OR51G2: variants seen among roughly 807,000 people sequenced by gnomAD.
OR51G2 encodes the protein olfactory receptor 51G2.
A neutral mutation model predicts 11.8 loss-of-function variants in OR51G2; 13 were observed. The observed-to-expected ratio is 1.10, with a 90% CI of 0.72 to 1.76. The LOEUF (loss-of-function observed/expected upper bound fraction) is 1.76, where lower values mean the gene tolerates loss of function less well. Ranked by LOEUF, OR51G2 falls within the 40% of genes most tolerant of loss-of-function variation. The probability of loss-of-function intolerance (pLI) is 0.00; values close to 1 mark genes in which losing one functional copy is unlikely to be tolerated. For synonymous variants in OR51G2, 178 were observed against 151.9 expected (o/e 1.17, Z -1.26); for missense variants, 474 against 394.4 (o/e 1.20, Z -1.71).
chr11:4,915,385 T>C lies in OR51G2; in HGVS notation c.279A>G (p.Gly93=). ...AGGCATCATGGCTAATTTCTCGTGCTCCAACCCAAAAGATGCCCAGGACTG... is the reference window on the plus strand; with the variant it reads ...AGGCATCATGGCTAATTTCTCGTGCCCCAACCCAAAAGATGCCCAGGACTG... ...LPTVLGIFWV[G]AREISHDACF... is the part of the protein sequence containing the mutation. Residue 93 remains glycine (G), a synonymous_variant, in exon 2 of 2, where the codon GGA becomes GGG. Transcript: ENST00000641926. The C allele has an allele frequency of 6.2e-7, 1 of 1,613,944 alleles. No homozygotes were observed. Among genetic ancestry groups the C allele is most frequent in the East Asian group, 2.2e-5 (1 of 44,814 alleles).
chr11:4,913,587 T>C lies in OR51G2; in HGVS notation c.*1132A>G, dbSNP rs1254862329. ...TTGGGGGTACAATAACAATACAACATATAAAAGGGCATAACAAACTATCCT... is the reference window on the plus strand; with the variant it reads ...TTGGGGGTACAATAACAATACAACACATAAAAGGGCATAACAAACTATCCT... On this transcript the variant is annotated 3_prime_UTR_variant, in exon 2 of 2. Coordinates refer to ENST00000641926, the MANE Select transcript of OR51G2 (RefSeq NM_001005238.2). 1 of 152,176 alleles carries C rather than the reference T, an allele frequency of 6.6e-6. No individual in the cohort carries two copies. Among genetic ancestry groups the C allele is most frequent in the Non-Finnish European group, 1.5e-5 (1 of 68,034 alleles). 9.4% of individuals were successfully genotyped at this position (152,176 alleles called of 1,614,324 possible). A position where few individuals can be genotyped will look rare whatever the true frequency, so the allele number is the denominator to read the frequency against.
intron 1 of OR51G2, among the ~76,000 whole-genome samples, chr11:4,917,371 G>A (rs190667774): frequency 6.6e-6 from 1 of 152,198 alleles, no homozygotes; most frequent in East Asian, 1.9e-4. Context: ...TAGACTTCAG[G>A]ATATAAACAA....
Position 4,915,575 on chromosome 11 carries a change from A to T in OR51G2, c.89T>A (p.Ile30Asn). 1 of 1,614,058 alleles carries T rather than the reference A, an allele frequency of 6.2e-7. No individual in the cohort carries two copies. Among genetic ancestry groups the T allele is most frequent in the Non-Finnish European group, 8.5e-7 (1 of 1,179,968 alleles). ...GAAGCACAGTGGGATGGAGATCCAGATGTGCATGCGCTCCAGCCCAGGGAT... is the reference window on the plus strand; with the variant it reads ...GAAGCACAGTGGGATGGAGATCCAGTTGTGCATGCGCTCCAGCCCAGGGAT... ...SGIPGLERMH[I>N]WISIPLCFMY... is the part of the protein sequence containing the mutation. Residue 30 changes from isoleucine (I) to asparagine (N), a missense_variant, in exon 2 of 2, where the codon ATC becomes AAC. Ile to Asn is a moderately radical substitution (Grantham distance 149). Coordinates refer to ENST00000641926, the MANE Select transcript of OR51G2 (RefSeq NM_001005238.2).
intron 1 of OR51G2, among the ~76,000 whole-genome samples, chr11:4,917,883 GTAGA>G (rs915848628): frequency 1.6e-4 from 25 of 151,862 alleles, no homozygotes; most frequent in African/African-American, 6.0e-4. Flanking sequence ...CTGACAAATA[GTAGA>G]TACTCTTCAG....
chr11:4,915,635 C>A lies in OR51G2; in HGVS notation c.29G>T (p.Ser10Ile), dbSNP rs766389992. Residue 10 changes from serine (S) to isoleucine (I), a missense_variant, in exon 2 of 2, where the codon AGC becomes ATC. Coordinates refer to ENST00000641926, the MANE Select transcript of OR51G2 (RefSeq NM_001005238.2). Reference protein sequence around the residue: MTLGSLGNSSSSVSATFLLS... With the variant: MTLGSLGNSISSVSATFLLS... ...CAGGAAGGTAGCAGAAACGCTGCTGCTGCTGTTTCCCAGGGATCCCAGGGT... is the reference window on the plus strand; with the variant it reads ...CAGGAAGGTAGCAGAAACGCTGCTGATGCTGTTTCCCAGGGATCCCAGGGT... 2.5e-6 allele frequency: 4 copies of A among 1,613,242 alleles called. No individual in the cohort carries two copies. The highest frequency in any genetic ancestry group is 3.4e-6 in the Non-Finnish European group (4 of 1,179,522).
intron 1 of OR51G2, among the ~76,000 whole-genome samples, chr11:4,918,258 G>A (rs1418235277): frequency 6.6e-6 from 1 of 152,040 alleles, no homozygotes; most frequent in African/African-American, 2.4e-5. Flanking sequence ...GAAAAATTTT[G>A]GTTAACGAAT....
In OR51G2 at chr11:4,914,761, G is replaced by T; in HGVS notation, c.903C>A (p.Thr301=). ...VMNPIVYSVK[T]KQIRDRVTHA... ...GCGTCACTCGATCCCGGATCTGTTTGGTCTTCACACTGTAGACAATGGGAT... is the reference window on the plus strand; with the variant it reads ...GCGTCACTCGATCCCGGATCTGTTTTGTCTTCACACTGTAGACAATGGGAT... Residue 301 remains threonine (T), a synonymous_variant, in exon 2 of 2, where the codon ACC becomes ACA. Coordinates refer to ENST00000641926, the MANE Select transcript of OR51G2 (RefSeq NM_001005238.2). The T allele has an allele frequency of 6.2e-7, 1 of 1,613,780 alleles. No individual in the cohort carries two copies. Among genetic ancestry groups the T allele is most frequent in the Non-Finnish European group, 8.5e-7 (1 of 1,179,820 alleles).
Position 4,912,903 on chromosome 11 carries a change from T to A in OR51G2, c.*1816A>T, listed in dbSNP as rs942101618. ...TTACACAAAAACCTCAGGACTATCA[T>A]GTTGTCTAGCCTGGAATGTTAAACA... On this transcript the variant is annotated 3_prime_UTR_variant, in exon 2 of 2. Coordinates refer to ENST00000641926, the MANE Select transcript of OR51G2 (RefSeq NM_001005238.2). 2 of 152,058 alleles carry A rather than the reference T, an allele frequency of 1.3e-5. 1 individual carries two copies. The highest frequency in any genetic ancestry group is 2.9e-5 in the Non-Finnish European group (2 of 68,016). 9.4% of individuals were successfully genotyped at this position (152,058 alleles called of 1,614,324 possible).
intron 1 of OR51G2, among the ~76,000 whole-genome samples, chr11:4,918,871 C>T (rs997537273): frequency 6.6e-6 from 1 of 152,206 alleles, no homozygotes; most frequent in Non-Finnish European, 1.5e-5. Flanking sequence ...CAGACTACTT[C>T]CTATCCATCT....
At position 4,915,676 on chromosome 11, in the gene OR51G2, C is replaced by T. The variant is rs1444678044; in HGVS notation, c.-13G>A. ...ATCCCAGGGTCATTGTGTGAGGAGA[C>T]AAGGGGGAAGGTGGGTGCCCTCCAA... On this transcript the variant is annotated 5_prime_UTR_variant, in exon 2 of 2. Coordinates refer to ENST00000641926, the MANE Select transcript of OR51G2 (RefSeq NM_001005238.2). 1.3e-6 allele frequency: 2 copies of T among 1,595,892 alleles called. No homozygotes were observed. Among genetic ancestry groups the T allele is most frequent in the African/African-American group, 1.3e-5 (1 of 74,364 alleles).
chr11:4,914,844 G>T lies in OR51G2; in HGVS notation c.820C>A (p.Pro274Thr). The T allele has an allele frequency of 1.2e-6, 2 of 1,614,004 alleles. No individual in the cohort carries two copies. The highest frequency in any genetic ancestry group is 1.7e-6 in the Non-Finnish European group (2 of 1,179,924). ...CCCATGACCACCTGGACCAGGTGGG[G>T]TGCCTGCTTTCCAAAGCGATGGATG... is the stretch of plus-strand genomic sequence containing the variant. The part of the protein sequence containing the change: ...SVIHRFGKQA[P>T]HLVQVVMGFM... The change falls in exon 2 of 2, where the codon CCC becomes ACC. Residue 274 changes from proline to threonine, a missense_variant. Coordinates refer to ENST00000641926, the MANE Select transcript of OR51G2 (RefSeq NM_001005238.2).
At position 4,913,364 on chromosome 11, in the gene OR51G2, G is replaced by A. The variant is rs920643930; in HGVS notation, c.*1355C>T. ...CATACACTTCATAGTAGAAGACATT[G>A]TGTTCAGCCACACCCTTTCTTAATC... is the stretch of plus-strand genomic sequence containing the variant. On this transcript the variant is annotated 3_prime_UTR_variant, in exon 2 of 2. Coordinates refer to ENST00000641926, the MANE Select transcript of OR51G2 (RefSeq NM_001005238.2). The A allele has an allele frequency of 6.6e-6, 1 of 152,118 alleles. No homozygotes were observed. The highest frequency in any genetic ancestry group is 2.4e-5 in the African/African-American group (1 of 41,422). 9.4% of individuals were successfully genotyped at this position (152,118 alleles called of 1,614,324 possible). A position where few individuals can be genotyped will look rare whatever the true frequency, so the allele number is the denominator to read the frequency against.
Position 4,912,768 on chromosome 11 carries a change from C to A in OR51G2, c.*1951G>T, listed in dbSNP as rs955939672. 1 of 152,028 alleles carries A rather than the reference C, an allele frequency of 6.6e-6. No individual in the cohort carries two copies. Among genetic ancestry groups the A allele is most frequent in the Admixed American group, 6.6e-5 (1 of 15,256 alleles). 9.4% of individuals were successfully genotyped at this position (152,028 alleles called of 1,614,324 possible). A position where few individuals can be genotyped will look rare whatever the true frequency, so the allele number is the denominator to read the frequency against. ...TTTCTCTTATTGTAATTTTCCTTTT[C>A]TTTAATTACATTGTTTTTTAAAATG... is the stretch of plus-strand genomic sequence containing the variant. On this transcript the variant is annotated 3_prime_UTR_variant, in exon 2 of 2. Transcript: ENST00000641926.
Position 4,915,364 on chromosome 11 carries a change from A to G in OR51G2, c.300T>C (p.Asp100=). 2 of 1,614,096 alleles carry G rather than the reference A, an allele frequency of 1.2e-6. No homozygotes were observed. The highest frequency in any genetic ancestry group is 1.1e-5 in the South Asian group (1 of 91,070). The change falls in exon 2 of 2, where the codon GAT becomes GAC. Residue 100 remains aspartate, a synonymous_variant. Coordinates refer to ENST00000641926, the MANE Select transcript of OR51G2 (RefSeq NM_001005238.2). Reference sequence around the variant, plus strand: ...TGAAAAAGAGCTGAGCAAAGCAGGCATCATGGCTAATTTCTCGTGCTCCAA... The same window carrying G: ...TGAAAAAGAGCTGAGCAAAGCAGGCGTCATGGCTAATTTCTCGTGCTCCAA... The part of the protein sequence containing the change: ...FWVGAREISH[D]ACFAQLFFIH...
Position 4,915,747 on chromosome 11 carries a change from A to T in OR51G2, c.-76-8T>A, listed in dbSNP as rs779356818. The T allele has an allele frequency of 6.1e-6, 5 of 820,004 alleles. No individual in the cohort carries two copies. Among genetic ancestry groups the T allele is most frequent in the Non-Finnish European group, 9.6e-6 (5 of 519,660 alleles). 50.8% of individuals were successfully genotyped at this position (820,004 alleles called of 1,614,324 possible). On this transcript the variant is annotated splice_region_variant and splice_polypyrimidine_tract_variant and intron_variant, in intron 1 of 1. Transcript: ENST00000641926. ...CAGTACTGGTGATTGCACCTGGTGG[A>T]AATTAAAGAAAAAAAATAGAATCAA...
intron 1 of OR51G2, among the ~76,000 whole-genome samples, chr11:4,918,004 A>T (rs1292502128): frequency 3.3e-5 from 5 of 151,676 alleles, no homozygotes; most frequent in Non-Finnish European, 1.5e-5. Context: ...GGTGAAGAAG[A>T]AAGAAATAGA....
chr11:4,918,552 C>T (rs941932125), intron 1 of OR51G2, among the ~76,000 whole-genome samples: 4 of 152,084 alleles, frequency 2.6e-5, no homozygotes, highest in Admixed American at 1.3e-4. Context: ...TTAGCCAGTT[C>T]GCCAGAGAGT....
chr11:4,914,838 G>A lies in OR51G2; in HGVS notation c.826C>T (p.Leu276=), dbSNP rs753888356. ...ATGAAACCCATGACCACCTGGACCA[G>A]GTGGGGTGCCTGCTTTCCAAAGCGA... ...IHRFGKQAPH[L]VQVVMGFMYL... The change falls in exon 2 of 2, where the codon CTG becomes TTG. Residue 276 remains leucine (L), a synonymous_variant. Coordinates refer to ENST00000641926, the MANE Select transcript of OR51G2 (RefSeq NM_001005238.2). 1 of 1,613,956 alleles carries A rather than the reference G, an allele frequency of 6.2e-7. No individual in the cohort carries two copies. The highest frequency in any genetic ancestry group is 2.2e-5 in the East Asian group (1 of 44,864).
In OR51G2 at chr11:4,913,076, G is replaced by T. The variant is rs1286368475; in HGVS notation, c.*1643C>A. On this transcript the variant is annotated 3_prime_UTR_variant, in exon 2 of 2. Transcript: ENST00000641926. Reference sequence around the variant, plus strand: ...GCATAAGCAAATCCTTAACTTTTCAGCTTCAGAGCAATGACCCCATTCCTT... The same window carrying T: ...GCATAAGCAAATCCTTAACTTTTCATCTTCAGAGCAATGACCCCATTCCTT... 6.6e-6 allele frequency: 1 copy of T among 152,144 alleles called. No individual in the cohort carries two copies. The highest frequency in any genetic ancestry group is 2.4e-5 in the African/African-American group (1 of 41,400). 9.4% of individuals were successfully genotyped at this position (152,144 alleles called of 1,614,324 possible).
Sources: allele counts gnomAD v4.1 joint callset (sites outside exome capture counted in the v4.1 genomes callset), GRCh38; gene constraint gnomAD v4.1.1; transcripts MANE v1.5; gene names NCBI Gene and HGNC (gene_info 2026-07-23, HGNC 2026-07-21).